ABAT: variants seen among roughly 807,000 people sequenced by gnomAD.
ABAT encodes the protein 4-aminobutyrate aminotransferase, mitochondrial.
In ABAT, 45 loss-of-function variants were observed where a neutral mutation model predicts 64.6. The ratio of observed to expected loss-of-function variants is 0.70; its 90% CI spans 0.55 to 0.89. The LOEUF is 0.89. Ranked by LOEUF, ABAT falls within the 40% of genes least tolerant of loss-of-function variation. The pLI is 0.00. For synonymous variants in ABAT, 297 were observed against 250.5 expected, an observed-to-expected ratio of 1.19 and a Z score of -1.75; for missense variants, 633 against 658.4, an observed-to-expected ratio of 0.96 and a Z score of 0.42.
Position 8,692,289 on chromosome 16 carries a change from G to C in ABAT, c.-42+17578G>C, listed in dbSNP as rs150819054. On this transcript the variant is annotated intron_variant, in intron 1 of 15. Transcript: ENST00000268251. The stretch of plus-strand genomic sequence containing the variant: ...CCAGCTACCCGGGAGGCTGAGTTGG[G>C]AGGATAAGCCCAGGAAATCAAGGCT... Among the ~76,000 whole-genome samples the C allele has an allele frequency of 3.3e-3, 497 of 152,258 alleles. 2 individuals are homozygous for C. Among genetic ancestry groups the C allele is most frequent in the African/African-American group, 0.012 (478 of 41,552 alleles).
chr16:8,677,195 C>T (rs1263557494), intron 1 of ABAT, among the ~76,000 whole-genome samples: 1 of 152,186 alleles, frequency 6.6e-6, no homozygotes, highest in African/African-American at 2.4e-5. Context: ...ATGTTTAGCA[C>T]ACAGCAAAAT....
chr16:8,766,469 A>G (rs548788366), intron 9 of ABAT, among the ~76,000 whole-genome samples, 199 bp downstream of exon 9: 2 of 152,206 alleles, frequency 1.3e-5, no homozygotes, highest in South Asian at 4.1e-4. Context: ...AGCCTGGCTA[A>G]TATGGTGAAA....
chr16:8,778,116 G>A (rs903982449), intron 14 of ABAT, among the ~76,000 whole-genome samples: 1 of 152,104 alleles, frequency 6.6e-6, no homozygotes, highest in African/African-American at 2.4e-5. Context: ...GGTTTTCCAA[G>A]CCCTTGTTTG....
intron 1 of ABAT, among the ~76,000 whole-genome samples, chr16:8,731,835 T>A (rs1035357862): frequency 6.8e-6 from 1 of 147,730 alleles, no homozygotes; most frequent in African/African-American, 2.7e-5. Context: ...CGGCAACCTC[T>A]TTTTCCTCTT....
intron 9 of ABAT, among the ~76,000 whole-genome samples, chr16:8,766,897 G>A (rs923136300): frequency 7.9e-5 from 12 of 151,282 alleles, no homozygotes; most frequent in African/African-American, 2.7e-4. Context: ...TGAACCCGAC[G>A]GGCGCGGAGG....
At chr16:8,757,366 C>T in intron 5 of ABAT, 2 of 357,564 alleles carry the variant, frequency 5.6e-6, no homozygotes, top group Non-Finnish European at 1.1e-5. Flanking sequence ...CGGGGATTCA[C>T]CATGTTGGCC....
At chr16:8,718,717 A>G (rs1450101544) in intron 1 of ABAT, among the ~76,000 whole-genome samples, 1 of 152,212 alleles carries the variant, frequency 6.6e-6, no homozygotes, top group Non-Finnish European at 1.5e-5. Flanking sequence ...AACAACAGGA[A>G]TAGAAGTATT....
At chr16:8,766,553 G>A (rs1256145123) in intron 9 of ABAT, among the ~76,000 whole-genome samples, 1 of 152,214 alleles carries the variant, frequency 6.6e-6, no homozygotes, top group Non-Finnish European at 1.5e-5. Flanking sequence ...TACTTGGGAG[G>A]CTGAGGCAGG....
Position 8,772,807 on chromosome 16 carries a change from A to G in ABAT, c.844A>G (p.Lys282Glu), listed in dbSNP as rs2142993736. 1 of 1,614,118 alleles carries G rather than the reference A, an allele frequency of 6.2e-7. No homozygotes were observed. Among genetic ancestry groups the G allele is most frequent in the Non-Finnish European group, 8.5e-7 (1 of 1,180,018 alleles). Residue 282 changes from lysine to glutamate, a missense_variant, in exon 12 of 16, where the codon AAA (lysine) becomes GAA (glutamate). Transcript: ENST00000268251. ...GGAGGATCTGATTGTGAAATATCGG[A>G]AAAAGAAGAAGACGGTGGCCGGGAT... The part of the protein sequence containing the change: ...EVEDLIVKYR[K>E]KKKTVAGIIV...
At chr16:8,771,421 C>T (rs2060102742) in intron 11 of ABAT, among the ~76,000 whole-genome samples, 1 of 150,770 alleles carries the variant, frequency 6.6e-6, no homozygotes, top group Non-Finnish European at 1.5e-5. Context: ...ATAAAGAAAG[C>T]TTTCACTTGT....
chr16:8,773,137 CACACACACACAT>C (rs1323148510), intron 12 of ABAT, among the ~76,000 whole-genome samples: 30 of 132,936 alleles, frequency 2.3e-4, no homozygotes, highest in Admixed American at 2.9e-4. Context: ...CACACACACA[CACACACACACAT>C]ATATATATAT....
At chr16:8,698,331 G>A (rs1195945143) in intron 1 of ABAT, among the ~76,000 whole-genome samples, 1 of 151,616 alleles carries the variant, frequency 6.6e-6, no homozygotes, top group East Asian at 1.9e-4. Context: ...CCCCCTTCTG[G>A]CTCTTTTTTT....
chr16:8,745,114 C>G (rs1169067160), intron 2 of ABAT, among the ~76,000 whole-genome samples: 1 of 152,054 alleles, frequency 6.6e-6, no homozygotes, highest in Non-Finnish European at 1.5e-5. Flanking sequence ...TCCCAAGTAG[C>G]TGGAACTAAA....
At chr16:8,729,423 G>A (rs2058654459) in intron 1 of ABAT, among the ~76,000 whole-genome samples, 1 of 152,200 alleles carries the variant, frequency 6.6e-6, no homozygotes, top group Non-Finnish European at 1.5e-5. Context: ...GAGGCCGAAT[G>A]TCATAACCTC....
At chr16:8,728,049 CGACAGAGT>C (rs1420920799) in intron 1 of ABAT, among the ~76,000 whole-genome samples, 6 of 150,000 alleles carry the variant, frequency 4.0e-5, no homozygotes, top group Non-Finnish European at 8.9e-5. Context: ...CCAGCCTGGG[CGACAGAGT>C]GAGACCCTGT....
At chr16:8,769,709 T>A (rs948848813) in intron 11 of ABAT, among the ~76,000 whole-genome samples, 1 of 152,166 alleles carries the variant, frequency 6.6e-6, no homozygotes, top group Non-Finnish European at 1.5e-5. Flanking sequence ...GGGGATGCTA[T>A]GGGAGAGGCT....
rs376170440 is a variant in ABAT, at chr16:8,739,424, A to G, written c.70+3615A>G. On this transcript the variant is annotated intron_variant, in intron 2 of 15. Coordinates refer to ENST00000268251, the MANE Select transcript of ABAT (RefSeq NM_020686.6). ...TCACAAATTTCTTGCATTAGAAGAA[A>G]TGGTTCATATGGGCCAGGCACAGTG... 5.5e-4 allele frequency among the ~76,000 whole-genome samples: 84 copies of G among 152,318 alleles called. 1 individual carries two copies. The highest frequency in any genetic ancestry group is 1.9e-3 in the African/African-American group (78 of 41,568).
chr16:8,776,642 ATGCTGTGTCCTCTG>A lies in ABAT; in HGVS notation c.1269+153_1269+166del. 7.3e-6 allele frequency: 6 copies of A among 824,432 alleles called. No individual in the cohort carries two copies. Among genetic ancestry groups the A allele is most frequent in the Non-Finnish European group, 1.2e-5 (6 of 509,104 alleles). 51.1% of individuals were successfully genotyped at this position (824,432 alleles called of 1,614,324 possible). A position where few individuals can be genotyped will look rare whatever the true frequency, so the allele number is the denominator to read the frequency against. ...GCTCCTAGCCTTGGGGGCTTTGCAC[ATGCTGTGTCCTCTG>A]CAGGGGATGCCTCCCTATCCCTCCA... On this transcript the variant is annotated intron_variant, in intron 14 of 15. Transcript: ENST00000268251. The surrounding 1 kb of genome is among the most constrained non-coding windows in gnomAD (Gnocchi z 4.4).
chr16:8,676,322 C>G (rs1456988060), intron 1 of ABAT, among the ~76,000 whole-genome samples: 2 of 152,046 alleles, frequency 1.3e-5, no homozygotes, highest in Non-Finnish European at 2.9e-5. Flanking sequence ...CTCAAGGTCA[C>G]CCAGCCTGTG....
Sources: gnomAD v4.1 joint callset for allele counts (sites outside exome capture counted in the v4.1 genomes callset) on GRCh38, gnomAD v4.1.1 for gene constraint, Gnocchi (gnomAD v3.1) non-coding constraint, MANE v1.5 for transcripts, NCBI Gene and HGNC (gene_info 2026-07-23, HGNC 2026-07-21) for gene names.